Variants in ANK3 observed in about 807,000 individuals in gnomAD.
ANK3 encodes the protein ankyrin-3.
ANK3 carries 57 observed loss-of-function variants against 370.9 expected under a neutral mutation model. That is an observed-to-expected ratio of 0.15 (90% confidence interval 0.12 to 0.19). The LOEUF (loss-of-function observed/expected upper bound fraction) is 0.19. Among genes scored for constraint, ANK3 ranks in the 10% least tolerant of loss-of-function variants. The probability of loss-of-function intolerance (pLI) is 1.00; values close to 1 mark genes in which losing one functional copy is unlikely to be tolerated. For missense variants in ANK3, 4,439 were observed against 5,302.1 expected (o/e 0.84, Z 5.06); for synonymous variants, 1,929 against 1,946.3 (o/e 0.99, Z 0.23).
chr10:60,280,988 T>A (rs1458541939), intron 1 of ANK3, among the ~76,000 whole-genome samples: 1 of 152,152 alleles, frequency 6.6e-6, no homozygotes, highest in African/African-American at 2.4e-5. Flanking sequence ...AGGAGGCAGA[T>A]TAAGGAGTAG....
intron 1 of ANK3, among the ~76,000 whole-genome samples, chr10:60,285,888 G>C (rs2098237043): frequency 6.6e-6 from 1 of 151,922 alleles, no homozygotes; most frequent in Non-Finnish European, 1.5e-5. Flanking sequence ...AGCCACCCAG[G>C]CATGCAATCT....
rs71015801 is a variant in ANK3 at position 60,502,023 on chromosome 10, TCCCCAAATGACTACAGGATA to T, written c.96+113143_96+113162del. Among the ~76,000 whole-genome samples the T allele has an allele frequency of 3.5e-3, 527 of 152,024 alleles. 4 individuals carry two copies. Among genetic ancestry groups the T allele is most frequent in the African/African-American group, 0.012 (479 of 41,458 alleles). ...AAAAAAGAGGATACATTTTAACATC[TCCCCAAATGACTACAGGATA>T]CCCCAAATGACTACAGGATACCCCA... On this transcript the variant is annotated intron_variant, in intron 2 of 43. Coordinates refer to the ANK3 transcript ENST00000373827.
intron 7 of ANK3, among the ~76,000 whole-genome samples, chr10:60,254,253 A>G (rs1032356050): frequency 6.6e-6 from 1 of 150,528 alleles, no homozygotes; most frequent in African/African-American, 2.4e-5. Flanking sequence ...CCCCCCAAAT[A>G]TCTTCCATCC....
chr10:60,612,141 A>C (rs2078209780), intron 2 of ANK3, among the ~76,000 whole-genome samples: 1 of 152,128 alleles, frequency 6.6e-6, no homozygotes, highest in Admixed American at 6.5e-5. Flanking sequence ...GGCCCCAGAC[A>C]TTTTGCTGGC....
chr10:60,316,771 G>A (rs147261466), intron 1 of ANK3, among the ~76,000 whole-genome samples: 1 of 151,836 alleles, frequency 6.6e-6, no homozygotes, highest in East Asian at 1.9e-4. Context: ...TTATTGAGAT[G>A]GAGTCTTGCT....
rs762848937 is a variant in ANK3, at chr10:60,389,571, C to A, written c.-33G>T. On this transcript the variant is annotated 5_prime_UTR_variant, in exon 1 of 44. Coordinates refer to ENST00000280772, the MANE Select transcript of ANK3 (RefSeq NM_020987.5). ...TTAAAAAGATCCTCTCAAGCACACA[C>A]GGCTTCCTTGTAAAAGGTGATATCC... The A allele has an allele frequency of 5.0e-6, 8 of 1,609,464 alleles. No homozygotes were observed. In the South Asian group the frequency reaches 7.8e-5, roughly 16 times the overall value.
At chr10:60,418,275 T>C (rs776221907) in intron 2 of ANK3, among the ~76,000 whole-genome samples, 4 of 152,152 alleles carry the variant, frequency 2.6e-5, no homozygotes, top group African/African-American at 2.4e-5. Flanking sequence ...TCAATAAATA[T>C]ACACCACACT....
At chr10:60,064,095 G>C in intron 39 of ANK3, 62 bp downstream of exon 39, 1 of 1,426,510 alleles carries the variant, frequency 7.0e-7, no homozygotes, top group Non-Finnish European at 9.3e-7. Flanking sequence ...CTAACAGTTG[G>C]CTTATCTAAA....
chr10:60,320,083 T>C (rs1455122123), intron 1 of ANK3, among the ~76,000 whole-genome samples: 1 of 152,224 alleles, frequency 6.6e-6, no homozygotes, highest in Non-Finnish European at 1.5e-5. Flanking sequence ...ACCACTTTCT[T>C]TCCTGGATTA....
At chr10:60,217,726 T>C (rs1167147560) in intron 8 of ANK3, among the ~76,000 whole-genome samples, 1 of 152,230 alleles carries the variant, frequency 6.6e-6, no homozygotes, top group Admixed American at 6.5e-5. Context: ...AGAATGTGTA[T>C]TCTGTTGATT....
intron 2 of ANK3, among the ~76,000 whole-genome samples, chr10:60,404,287 C>A (rs1022720540): frequency 4.6e-5 from 7 of 151,870 alleles, no homozygotes; most frequent in African/African-American, 1.7e-4. Context: ...ATATCCAAAA[C>A]AATCTTGAAA....
At chr10:60,171,058 G>A (rs916751179) in intron 21 of ANK3, among the ~76,000 whole-genome samples, 2 of 151,902 alleles carry the variant, frequency 1.3e-5, no homozygotes, top group African/African-American at 4.8e-5. Context: ...GAGCTACATG[G>A]GATATAAAAT....
chr10:60,486,809 A>AG (rs144479748), intron 2 of ANK3, among the ~76,000 whole-genome samples: 59,084 of 151,812 alleles, frequency 0.39, 11,724 homozygotes, highest in Middle Eastern at 0.42. Flanking sequence ...GATATATTCA[A>AG]TTAACACTAA....
At chr10:60,065,999 T>TAA (rs201356639) in intron 38 of ANK3, among the ~76,000 whole-genome samples, 2 of 152,134 alleles carry the variant, frequency 1.3e-5, no homozygotes, top group African/African-American at 4.8e-5. Flanking sequence ...GTTCTTGTTT[T>TAA]AAAAAAAGCA....
At position 60,573,907 on chromosome 10, in the gene ANK3, C is replaced by T. The variant is rs151007800; in HGVS notation, c.96+41279G>A. Among the ~76,000 whole-genome samples, 871 of 152,204 alleles carry T rather than the reference C, an allele frequency of 5.7e-3. 2 individuals carry two copies. Among genetic ancestry groups the T allele is most frequent in the Non-Finnish European group, 0.01 (681 of 68,018 alleles). On this transcript the variant is annotated intron_variant, in intron 2 of 43. Coordinates refer to the ANK3 transcript ENST00000373827. The stretch of plus-strand genomic sequence containing the variant: ...GAGCCAGGAATAAATCATATCAGTT[C>T]CACACACAGTAACATTGTTATTCAG...
chr10:60,345,306 G>C (rs1372725902), intron 1 of ANK3, among the ~76,000 whole-genome samples: 1 of 152,134 alleles, frequency 6.6e-6, no homozygotes, highest in Non-Finnish European at 1.5e-5. Context: ...GTGCATGTGT[G>C]TATGTGTGTT....
At chr10:60,263,403 CTT>C (rs2132647429) in intron 6 of ANK3, among the ~76,000 whole-genome samples, 1 of 152,334 alleles carries the variant, frequency 6.6e-6, no homozygotes, top group East Asian at 1.9e-4. Flanking sequence ...CTGCGGCTCT[CTT>C]GCTGCTGGCA....
chr10:60,030,108 A>G (rs547749285), intron 43 of ANK3, among the ~76,000 whole-genome samples: 6 of 151,130 alleles, frequency 4.0e-5, no homozygotes, highest in African/African-American at 1.2e-4. Context: ...TTATTATTGT[A>G]TCTGTGTTTT....
chr10:60,679,910 C>T (rs150853723), intron 1 of ANK3, among the ~76,000 whole-genome samples: 6,088 of 151,926 alleles, frequency 0.04, 158 homozygotes, highest in Middle Eastern at 0.071. Context: ...CTGAGGTGGG[C>T]GGATCACTTG....
Sources: allele counts gnomAD v4.1 joint callset (sites outside exome capture counted in the v4.1 genomes callset), GRCh38; gene constraint gnomAD v4.1.1; transcripts MANE v1.5; gene names NCBI Gene and HGNC (gene_info 2026-07-23, HGNC 2026-07-21).